Variants in ADCY9 observed in about 807,000 individuals in gnomAD.
ADCY9 encodes adenylate cyclase type 9.
Under a neutral mutation model 101.5 loss-of-function variants are expected in ADCY9, and 50 were observed. The ratio of observed to expected loss-of-function variants is 0.49; its 90% CI spans 0.39 to 0.62. The LOEUF is 0.62. Ranked by LOEUF, ADCY9 falls within the 20% of genes least tolerant of loss-of-function variation. The pLI is 0.00. For missense variants in ADCY9, 1,662 were observed against 1,800.4 expected (o/e 0.92, Z 1.39); for synonymous variants, 905 against 769.3 (o/e 1.18, Z -2.92).
At chr16:4,055,159 T>C (rs1379365110) in intron 2 of ADCY9, among the ~76,000 whole-genome samples, 1 of 152,108 alleles carries the variant, frequency 6.6e-6, no homozygotes, top group African/African-American at 2.4e-5. Flanking sequence ...GCAGAGCCAT[T>C]CTTCCACACC....
rs570940222 is a variant in ADCY9, at chr16:4,105,356, G to A, written c.1693+8394C>T. On this transcript the variant is annotated intron_variant, in intron 2 of 10. Coordinates refer to ENST00000294016, the MANE Select transcript of ADCY9 (RefSeq NM_001116.4). The stretch of plus-strand genomic sequence containing the variant: ...TGCACATAAGCCTGGGAAACATAGG[G>A]AGACGTCATCTCTACAAATAATTTT... 7.2e-5 allele frequency among the ~76,000 whole-genome samples: 11 copies of A among 152,038 alleles called. No individual in the cohort carries two copies. The East Asian group carries it at 2.1e-3, about 29-fold the overall frequency.
chr16:4,011,747 T>C (rs1418197459), intron 2 of ADCY9, among the ~76,000 whole-genome samples: 1 of 152,052 alleles, frequency 6.6e-6, no homozygotes, highest in Non-Finnish European at 1.5e-5. Context: ...AGTTTCCTCA[T>C]CTCTAAGGGG....
chr16:4,108,359 C>CTTTTT (rs1491172269), intron 2 of ADCY9, among the ~76,000 whole-genome samples: 2 of 53,490 alleles, frequency 3.7e-5, no homozygotes, highest in Admixed American at 2.5e-4. Flanking sequence ...ACCGTTTCTT[C>CTTTTT]ATTTTTTTTT....
intron 2 of ADCY9, among the ~76,000 whole-genome samples, chr16:4,052,446 G>GA (rs1250925928): frequency 1.3e-5 from 2 of 152,082 alleles, no homozygotes; most frequent in African/African-American, 4.8e-5. Context: ...AATTATTCCG[G>GA]AAAAAAGGGA....
At chr16:3,969,800 G>C (rs574618271) in intron 10 of ADCY9, among the ~76,000 whole-genome samples, 1 of 150,534 alleles carries the variant, frequency 6.6e-6, no homozygotes, top group African/African-American at 2.4e-5. Flanking sequence ...ACTTTTTGTA[G>C]AGATGAGGTC....
At chr16:3,969,613 T>TATATATATACACG (rs1491520639) in intron 10 of ADCY9, among the ~76,000 whole-genome samples, 1 of 81,038 alleles carries the variant, frequency 1.2e-5, no homozygotes, top group Non-Finnish European at 2.2e-5. Flanking sequence ...TATATATGTA[T>TATATATATACACG]TTTTTTTTTT....
In ADCY9 at chr16:3,966,135, T is replaced by C; in HGVS notation, c.3702A>G (p.Lys1234=). 1.2e-6 allele frequency: 2 copies of C among 1,614,232 alleles called. No individual in the cohort carries two copies. The highest frequency in any genetic ancestry group is 1.7e-6 in the Non-Finnish European group (2 of 1,180,040). ...GGTACAGGTAGGTCTTCATCTGGCC[T>C]TTCCCCTTGACATTCACGGTCCCTC... ...DYRGTVNVKG[K]GQMKTYLYPK... Residue 1234 remains lysine, a synonymous_variant, in exon 11 of 11, where the codon AAA becomes AAG. Transcript: ENST00000294016.
Position 3,992,499 on chromosome 16 carries a change from C to T in ADCY9, c.1990-136G>A. The T allele has an allele frequency of 1.3e-6, 1 of 746,066 alleles. No homozygotes were observed. Among genetic ancestry groups the T allele is most frequent in the South Asian group, 1.8e-5 (1 of 54,840 alleles). 46.2% of individuals were successfully genotyped at this position (746,066 alleles called of 1,614,324 possible). On this transcript the variant is annotated intron_variant, in intron 4 of 10. Coordinates refer to ENST00000294016, the MANE Select transcript of ADCY9 (RefSeq NM_001116.4). This position sits in a 1 kb window ranked among gnomAD's most constrained non-coding sequence, Gnocchi z 4.2. ...GTGGGACTTTCTGACCTGCGAGGAA[C>T]CCCCACCCCCCTGCGCCTACAGACC...
In ADCY9 at chr16:3,992,452, G is replaced by A; in HGVS notation, c.1990-89C>T. The A allele has an allele frequency of 2.5e-6, 3 of 1,178,090 alleles. No individual in the cohort carries two copies. Among genetic ancestry groups the A allele is most frequent in the Admixed American group, 4.3e-5 (2 of 46,832 alleles). The allele number at this position is 1,178,090 out of a possible 1,614,324, so 73.0% of individuals were successfully genotyped here. A position where few individuals can be genotyped will look rare whatever the true frequency, so the allele number is the denominator to read the frequency against. ...CGCCTGTCCCACCCCGACCTCCGCT[G>A]CGGGGCGCTGCTGCACTGGGCGTGG... On this transcript the variant is annotated intron_variant, in intron 4 of 10. Transcript: ENST00000294016. This position sits in a 1 kb window ranked among gnomAD's most constrained non-coding sequence, Gnocchi z 4.2.
chr16:4,088,313 A>G lies in ADCY9; in HGVS notation c.1693+25437T>C, dbSNP rs1244133912. ...TGGTTTGTTTTTGTCTTTGTTTTAG[A>G]TAGGGTCTTGCTGTGCTGCCCAGGC... On this transcript the variant is annotated intron_variant, in intron 2 of 10. Transcript: ENST00000294016. 7.9e-5 allele frequency among the ~76,000 whole-genome samples: 12 copies of G among 151,936 alleles called. No homozygotes were observed. In the East Asian group the frequency reaches 2.3e-3, roughly 29 times the overall value.
rs749968135 is a variant in ADCY9 at position 3,966,071 on chromosome 16, G to A, written c.3766C>T (p.Leu1256=). ...TDHRVIPQHQ[L]SISPDIRVQV... ...ACGCGGATGTCTGGGGAGATGGACA[G>A]CTGGTGCTGTGGGATGACCCTGTGA... The change falls in exon 11 of 11, where the codon CTG becomes TTG. Residue 1256 remains leucine (L), a synonymous_variant. Coordinates refer to ENST00000294016, the MANE Select transcript of ADCY9 (RefSeq NM_001116.4). 9 of 1,614,238 alleles carry A rather than the reference G, an allele frequency of 5.6e-6. No homozygotes were observed. Among genetic ancestry groups the A allele is most frequent in the Non-Finnish European group, 7.6e-6 (9 of 1,180,042 alleles).
intron 2 of ADCY9, among the ~76,000 whole-genome samples, chr16:4,070,158 T>C (rs943191235): frequency 1.3e-5 from 2 of 151,934 alleles, no homozygotes; most frequent in Non-Finnish European, 2.9e-5. Flanking sequence ...TTTTAAGGCA[T>C]TCTCTTTTGT....
chr16:4,032,614 A>T (rs2056563543), intron 2 of ADCY9, among the ~76,000 whole-genome samples: 1 of 150,272 alleles, frequency 6.7e-6, no homozygotes, highest in Admixed American at 6.7e-5. Context: ...GGTTCAAGAG[A>T]TTCTCGTGCC....
intron 5 of ADCY9, among the ~76,000 whole-genome samples, chr16:3,991,241 G>A (rs1934313083): frequency 1.3e-5 from 2 of 152,154 alleles, no homozygotes; most frequent in African/African-American, 4.8e-5. Flanking sequence ...AGTCATAAGA[G>A]GAATATAATA....
At chr16:4,051,065 T>C (rs1027484681) in intron 2 of ADCY9, among the ~76,000 whole-genome samples, 1 of 151,624 alleles carries the variant, frequency 6.6e-6, no homozygotes, top group Non-Finnish European at 1.5e-5. Flanking sequence ...ATACAAAAAT[T>C]AGCTGGGTGT....
At chr16:4,031,732 T>A (rs2056556525) in intron 2 of ADCY9, among the ~76,000 whole-genome samples, 1 of 150,698 alleles carries the variant, frequency 6.6e-6, no homozygotes, top group Admixed American at 6.6e-5. Context: ...CAAAAATTAA[T>A]CAGGCATGGT....
downstream of ADCY9, among the ~76,000 whole-genome samples, chr16:3,961,085 A>C (rs1165252496): frequency 6.6e-6 from 1 of 152,164 alleles, no homozygotes; most frequent in Non-Finnish European, 1.5e-5. Flanking sequence ...TGATTGCAAA[A>C]ATTAGAGGCT....
intron 3 of ADCY9, among the ~76,000 whole-genome samples, chr16:3,998,872 G>A (rs925579507): frequency 6.6e-6 from 1 of 151,772 alleles, no homozygotes; most frequent in Admixed American, 6.6e-5. Flanking sequence ...TGTAGTTAGA[G>A]GCCCCTTCTG....
intron 2 of ADCY9, among the ~76,000 whole-genome samples, chr16:4,038,456 G>A: frequency 6.6e-6 from 1 of 152,100 alleles, no homozygotes; most frequent in Admixed American, 6.6e-5. Context: ...TGAGGACATG[G>A]CACCAGACAC....
Sources: allele counts gnomAD v4.1 joint callset (sites outside exome capture counted in the v4.1 genomes callset), GRCh38; gene constraint gnomAD v4.1.1; non-coding constraint Gnocchi (gnomAD v3.1); transcripts MANE v1.5; gene names NCBI Gene and HGNC (gene_info 2026-07-23, HGNC 2026-07-21).